Variants in GNAI1 observed in about 807,000 individuals in gnomAD.
GNAI1 encodes the protein G protein subunit alpha i1.
GNAI1 carries 11 observed loss-of-function variants against 38.9 expected under a neutral mutation model. That is an observed-to-expected ratio of 0.28 (90% CI 0.18 to 0.47). The LOEUF (loss-of-function observed/expected upper bound fraction) is 0.47. Among genes scored for constraint, GNAI1 ranks in the 20% least tolerant of loss-of-function variants. The probability of loss-of-function intolerance (pLI) is 0.99; values close to 1 mark genes in which losing one functional copy is unlikely to be tolerated. For missense variants in GNAI1, 317 were observed against 436.9 expected (o/e 0.73, Z 2.45); for synonymous variants, 166 against 145.1 (o/e 1.14, Z -1.04).
intron 7 of GNAI1, among the ~76,000 whole-genome samples, chr7:80,216,295 C>T (rs947579397): frequency 4.6e-5 from 7 of 150,920 alleles, no homozygotes; most frequent in Admixed American, 2.0e-4. Flanking sequence ...CATCATGCTT[C>T]CTCTCAGTCT....
In GNAI1 at chr7:80,211,098, G is replaced by A; in HGVS notation, c.720G>A (p.Met240Ile). The change falls in exon 6 of 8, where the codon ATG becomes ATA. Residue 240 changes from methionine (M) to isoleucine (I), a missense_variant and splice_region_variant. By Grantham distance (10) the Met-to-Ile change is conservative. Transcript: ENST00000649796. ...TGGTTCTAGCTGAAGATGAAGAAAT[G>A]GCAAGTAGAACTACTTTAAGAGTTG... is the stretch of plus-strand genomic sequence containing the variant. ...YDLVLAEDEE[M>I]NRMHESMKLF... 1.2e-6 allele frequency: 2 copies of A among 1,612,802 alleles called. No homozygotes were observed. Among genetic ancestry groups the A allele is most frequent in the Non-Finnish European group, 1.7e-6 (2 of 1,179,110 alleles).
In GNAI1 at chr7:80,174,458, T is replaced by A. The variant is rs1788148359; in HGVS notation, c.119-14493T>A. ...AATAGTTTTTGTATCTTCTGCTGTT[T>A]TTTTTTTTTTAGAATATTGGTATTT... is the stretch of plus-strand genomic sequence containing the variant. On this transcript the variant is annotated intron_variant, in intron 1 of 7. Transcript: ENST00000649796. Among the ~76,000 whole-genome samples, 3 of 151,342 alleles carry A rather than the reference T, an allele frequency of 2.0e-5. No homozygotes were observed. The South Asian group carries it at 6.2e-4, about 31-fold the overall frequency.
chr7:80,168,678 T>C (rs1454419725), intron 1 of GNAI1, among the ~76,000 whole-genome samples: 3 of 152,268 alleles, frequency 2.0e-5, no homozygotes, highest in Non-Finnish European at 1.5e-5. Flanking sequence ...CCACCGCGCC[T>C]GGCCAATTAT....
At chr7:80,164,492 G>A (rs549825957) in intron 1 of GNAI1, among the ~76,000 whole-genome samples, 1 of 151,938 alleles carries the variant, frequency 6.6e-6, no homozygotes, top group South Asian at 2.1e-4. Context: ...CTCCCTAGTA[G>A]CTGGGACTAC....
chr7:80,192,051 CT>C (rs1788489649), intron 3 of GNAI1, among the ~76,000 whole-genome samples: 1 of 152,050 alleles, frequency 6.6e-6, no homozygotes, highest in Admixed American at 6.6e-5. Flanking sequence ...AATTACTTAC[CT>C]TTTCACATTG....
intron 1 of GNAI1, among the ~76,000 whole-genome samples, chr7:80,141,493 C>T (rs1282059300): frequency 3.9e-5 from 6 of 152,144 alleles, no homozygotes; most frequent in Admixed American, 3.3e-4. Context: ...TAGTTTTGAG[C>T]ACTTTCAAAA....
intron 1 of GNAI1, among the ~76,000 whole-genome samples, chr7:80,152,560 T>C (rs957050717): frequency 1.4e-5 from 1 of 70,082 alleles, no homozygotes; most frequent in Non-Finnish European, 4.6e-5. Context: ...TCTCAATTCT[T>C]TTTTTTTTTT....
At chr7:80,210,592 T>G (rs1453118786) in intron 5 of GNAI1, among the ~76,000 whole-genome samples, 1 of 152,210 alleles carries the variant, frequency 6.6e-6, no homozygotes, top group Non-Finnish European at 1.5e-5. Flanking sequence ...CTCTTTGATC[T>G]CTGCATTCCC....
intron 1 of GNAI1, 82 bp downstream of exon 1, chr7:80,135,360 G>A (rs1405769998): frequency 3.6e-6 from 3 of 826,184 alleles, no homozygotes; most frequent in Non-Finnish European, 5.1e-6. Context: ...TGGAAACCCG[G>A]AGGGAAGGGG....
intron 1 of GNAI1, among the ~76,000 whole-genome samples, chr7:80,184,629 G>T (rs1788358887): frequency 6.6e-6 from 1 of 152,112 alleles, no homozygotes; most frequent in African/African-American, 2.4e-5. Flanking sequence ...CCAGTTGCAG[G>T]TTTTTTTCTA....
intron 1 of GNAI1, among the ~76,000 whole-genome samples, chr7:80,139,672 A>G (rs185727871): frequency 3.6e-4 from 55 of 152,340 alleles, no homozygotes; most frequent in African/African-American, 5.5e-4. Flanking sequence ...TTCAATATCA[A>G]TGAGAGCAAA....
At chr7:80,179,290 G>A (rs2036169091) in intron 1 of GNAI1, among the ~76,000 whole-genome samples, 1 of 152,130 alleles carries the variant, frequency 6.6e-6, no homozygotes, top group Non-Finnish European at 1.5e-5. Flanking sequence ...TGGAGGAATT[G>A]TTAAAACACA....
chr7:80,192,461 G>C (rs1788498024), intron 3 of GNAI1, among the ~76,000 whole-genome samples: 1 of 152,072 alleles, frequency 6.6e-6, no homozygotes, highest in South Asian at 2.1e-4. Context: ...AATTGGGTGT[G>C]TTTCTGGACT....
chr7:80,191,574 T>C (rs1271586712), intron 3 of GNAI1, among the ~76,000 whole-genome samples: 1 of 152,066 alleles, frequency 6.6e-6, no homozygotes, highest in Non-Finnish European at 1.5e-5. Context: ...GTATTTTTAG[T>C]AAAGATGGGG....
At chr7:80,207,795 A>G (rs368491280) in intron 5 of GNAI1, among the ~76,000 whole-genome samples, 4 of 152,112 alleles carry the variant, frequency 2.6e-5, no homozygotes, top group African/African-American at 9.7e-5. Flanking sequence ...AACAAATTCA[A>G]AATGAGGCAA....
intron 7 of GNAI1, among the ~76,000 whole-genome samples, chr7:80,213,843 T>G (rs1172920915): frequency 1.1e-5 from 1 of 87,218 alleles, no homozygotes; most frequent in Non-Finnish European, 2.7e-5. Context: ...ACTCTTCCTG[T>G]TTTTTTTTTT....
chr7:80,170,555 G>T (rs1230922498), intron 1 of GNAI1, among the ~76,000 whole-genome samples: 1 of 152,184 alleles, frequency 6.6e-6, no homozygotes, highest in Non-Finnish European at 1.5e-5. Context: ...AGTTCTGCAG[G>T]CAGTACAAGA....
chr7:80,135,431 G>C (rs755351883), intron 1 of GNAI1, 153 bp downstream of exon 1: 8 of 439,322 alleles, frequency 1.8e-5, no homozygotes, highest in Non-Finnish European at 2.3e-5. Context: ...GAGGCAAGGC[G>C]GGTCCCCCTC....
Position 80,222,592 on chromosome 7 carries a change from G to A in GNAI1, c.*5099G>A, listed in dbSNP as rs189438438. ...AGTAGAGACGGGGTTTCTCCATGTC[G>A]GTCGGGCTGGTCTCGAACTCCTGAC... On this transcript the variant is annotated 3_prime_UTR_variant, in exon 8 of 8. Transcript: ENST00000649796. 4.5e-3 allele frequency among the ~76,000 whole-genome samples: 679 copies of A among 151,842 alleles called. 8 individuals carry two copies. Among genetic ancestry groups the A allele is most frequent in the African/African-American group, 0.015 (634 of 41,416 alleles).
Sources: allele counts gnomAD v4.1 joint callset (sites outside exome capture counted in the v4.1 genomes callset), GRCh38; gene constraint gnomAD v4.1.1; transcripts MANE v1.5; gene names NCBI Gene and HGNC (gene_info 2026-07-23, HGNC 2026-07-21).